The following CCR8 variants were observed in gnomAD, a reference collection of about 807,000 sequenced individuals.
CCR8 encodes the protein C-C motif chemokine receptor 8, also known as C-C chemokine receptor type 8.
For synonymous variants in CCR8, 156 were observed against 165.7 expected (o/e 0.94, Z 0.45); for missense variants, 358 against 417.5 (o/e 0.86, Z 1.24).
chr3:39,331,704 G>C (rs1010167019), intron 1 of CCR8, among the ~76,000 whole-genome samples: 1 of 150,568 alleles, frequency 6.6e-6, no homozygotes, highest in African/African-American at 2.4e-5. Context: ...CTGGCCTCAA[G>C]CAATCCGCCT....
chr3:39,332,284 G>A (rs1280167433), intron 1 of CCR8, 34 bp from the exon 2 acceptor site: 2 of 1,226,238 alleles, frequency 1.6e-6, no homozygotes, highest in Non-Finnish European at 2.4e-6. Context: ...ATGTTTTTAA[G>A]GAGTGAATGT....
Position 39,333,658 on chromosome 3 carries a change from AG to A in CCR8, c.*260del. 1 of 469,230 alleles carries A rather than the reference AG, an allele frequency of 2.1e-6. No homozygotes were observed. The highest frequency in any genetic ancestry group is 3.9e-6 in the Non-Finnish European group (1 of 256,410). 29.1% of individuals were successfully genotyped at this position (469,230 alleles called of 1,614,324 possible). ...ATTCTGTATGCCAAGTGAAAAAAAA[AG>A]ATGTCTGACCTCCTTACATATGCAA... On this transcript the variant is annotated 3_prime_UTR_variant, in exon 2 of 2. Coordinates refer to ENST00000326306, the MANE Select transcript of CCR8 (RefSeq NM_005201.4).
chr3:39,332,225 G>A (rs1401248587), intron 1 of CCR8, 93 bp from the exon 2 acceptor site: 4 of 720,756 alleles, frequency 5.5e-6, no homozygotes, highest in South Asian at 5.4e-5. Flanking sequence ...TGAATTTGGG[G>A]AGGACACAGT....
At chr3:39,331,982 G>A (rs536643449) in intron 1 of CCR8, among the ~76,000 whole-genome samples, 4 of 151,564 alleles carry the variant, frequency 2.6e-5, no homozygotes, top group South Asian at 4.2e-4. Context: ...CGCCATGCCC[G>A]GCTAATTTTT....
rs1363372471 is a variant in CCR8 at position 39,333,539 on chromosome 3, A to G, written c.*140A>G. 1.6e-5 allele frequency: 10 copies of G among 638,140 alleles called. No homozygotes were observed. The highest frequency in any genetic ancestry group is 2.8e-5 in the Non-Finnish European group (10 of 359,252). The allele number at this position is 638,140 out of a possible 1,614,324, so 39.5% of individuals were successfully genotyped here. A position where few individuals can be genotyped will look rare whatever the true frequency, so the allele number is the denominator to read the frequency against. On this transcript the variant is annotated 3_prime_UTR_variant, in exon 2 of 2. Transcript: ENST00000326306. ...ATATGTTGTTGCCAACACTTGGAAC[A>G]CAATGACTAAAGACATAGTTGTGCA...
rs764605073 is a variant in CCR8 at position 39,333,260 on chromosome 3, A to G, written c.929A>G (p.His310Arg). The G allele has an allele frequency of 6.2e-7, 1 of 1,613,982 alleles. No individual in the cohort carries two copies. The highest frequency in any genetic ancestry group is 1.1e-5 in the South Asian group (1 of 91,084). The change falls in exon 2 of 2, where the codon CAC (histidine) becomes CGC (arginine). Residue 310 changes from histidine (H) to arginine (R), a missense_variant. Physicochemically the swap from His to Arg is conservative, Grantham distance 29. Coordinates refer to ENST00000326306, the MANE Select transcript of CCR8 (RefSeq NM_005201.4). The stretch of plus-strand genomic sequence containing the variant: ...TTTGTTGGGGAGAAGTTCAAGAAAC[A>G]CCTCTCAGAAATATTTCAGAAAAGT... Reference protein sequence around the residue: ...YAFVGEKFKKHLSEIFQKSCS... With the variant: ...YAFVGEKFKKRLSEIFQKSCS...
At position 39,329,730 on chromosome 3, in the gene CCR8, A is replaced by C. The variant is rs2041243026; in HGVS notation, c.-114A>C. On this transcript the variant is annotated 5_prime_UTR_variant, in exon 1 of 2. Coordinates refer to ENST00000326306, the MANE Select transcript of CCR8 (RefSeq NM_005201.4). ...GTTTGTAGTGGGAGGATACCTCCAG[A>C]GAGGCTGCTGCTCATTGAGCTGCAC... 6.6e-6 allele frequency: 1 copy of C among 152,262 alleles called. No individual in the cohort carries two copies. The highest frequency in any genetic ancestry group is 1.5e-5 in the Non-Finnish European group (1 of 68,094). The allele number at this position is 152,262 out of a possible 1,614,324, so 9.4% of individuals were successfully genotyped here.
rs1302799337 is a variant in CCR8, at chr3:39,332,331, G to C, written c.-1G>C. 1 of 1,600,266 alleles carries C rather than the reference G, an allele frequency of 6.2e-7. No homozygotes were observed. Among genetic ancestry groups the C allele is most frequent in the African/African-American group, 1.3e-5 (1 of 74,558 alleles). On this transcript the variant is annotated 5_prime_UTR_variant, in exon 2 of 2. Transcript: ENST00000326306. ...CTCTGTGACCAGGTCCCGCTGCCTT[G>C]ATGGATTATACACTTGACCTCAGTG...
chr3:39,332,968 A>G lies in CCR8; in HGVS notation c.637A>G (p.Ile213Val), dbSNP rs1329656591. The stretch of plus-strand genomic sequence containing the variant: ...TTTAGGCTTGTTGATCCCATTCACC[A>G]TCTTTATGTTCTGCTACATTAAAAT... The part of the protein sequence containing the change: ...NILGLLIPFT[I>V]FMFCYIKILH... Residue 213 changes from isoleucine (I) to valine (V), a missense_variant, in exon 2 of 2, where the codon ATC (isoleucine) becomes GTC (valine). Coordinates refer to ENST00000326306, the MANE Select transcript of CCR8 (RefSeq NM_005201.4). 6 of 1,614,126 alleles carry G rather than the reference A, an allele frequency of 3.7e-6. No homozygotes were observed. The highest frequency in any genetic ancestry group is 1.1e-5 in the South Asian group (1 of 91,080).
chr3:39,332,399 G>A lies in CCR8; in HGVS notation c.68G>A (p.Ser23Asn), dbSNP rs1171906751. 1.9e-6 allele frequency: 3 copies of A among 1,614,070 alleles called. No homozygotes were observed. Among genetic ancestry groups the A allele is most frequent in the Non-Finnish European group, 8.5e-7 (1 of 1,179,966 alleles). The change falls in exon 2 of 2, where the codon AGC (serine) becomes AAC (asparagine). Residue 23 changes from serine to asparagine, a missense_variant. Ser to Asn is a conservative substitution (Grantham distance 46). Transcript: ENST00000326306. ...TACTACTACCCTGATATCTTCTCAA[G>A]CCCCTGTGATGCGGAACTTATTCAG... ...TDYYYPDIFS[S>N]PCDAELIQTN...
rs1004363206 is a variant in CCR8 at position 39,332,671 on chromosome 3, T to C, written c.340T>C (p.Tyr114His). ...GTGCAAAGTGGTGTCTGGCTTTTAT[T>C]ACATTGGCTTCTACAGCAGCATGTT... ...VMCKVVSGFY[Y>H]IGFYSSMFFI... The change falls in exon 2 of 2, where the codon TAC becomes CAC. Residue 114 changes from tyrosine to histidine, a missense_variant. Physicochemically the swap from Tyr to His is moderately conservative, Grantham distance 83. Coordinates refer to ENST00000326306, the MANE Select transcript of CCR8 (RefSeq NM_005201.4). 5 of 1,614,174 alleles carry C rather than the reference T, an allele frequency of 3.1e-6. No homozygotes were observed. The highest frequency in any genetic ancestry group is 8.5e-7 in the Non-Finnish European group (1 of 1,180,026).
Position 39,332,472 on chromosome 3 carries a change from A to G in CCR8, c.141A>G (p.Val47=), listed in dbSNP as rs755885354. The G allele has an allele frequency of 1.2e-6, 2 of 1,614,052 alleles. No homozygotes were observed. Among genetic ancestry groups the G allele is most frequent in the Non-Finnish European group, 1.7e-6 (2 of 1,180,008 alleles). The change falls in exon 2 of 2, where the codon GTA becomes GTG. Residue 47 remains valine (V), a synonymous_variant. Coordinates refer to ENST00000326306, the MANE Select transcript of CCR8 (RefSeq NM_005201.4). Reference sequence around the variant, plus strand: ...CTGTCTTTTATTGCCTCCTGTTTGTATTCAGTCTTCTGGGAAACAGCCTGG... The same window carrying G: ...CTGTCTTTTATTGCCTCCTGTTTGTGTTCAGTCTTCTGGGAAACAGCCTGG... ...LLAVFYCLLF[V]FSLLGNSLVI... is the part of the protein sequence containing the mutation.
Position 39,332,787 on chromosome 3 carries a change from G to T in CCR8, c.456G>T (p.Thr152=). 1.9e-6 allele frequency: 3 copies of T among 1,614,146 alleles called. No individual in the cohort carries two copies. The highest frequency in any genetic ancestry group is 2.5e-6 in the Non-Finnish European group (3 of 1,180,008). The change falls in exon 2 of 2, where the codon ACG becomes ACT. Residue 152 remains threonine (T), a synonymous_variant. Transcript: ENST00000326306. The part of the protein sequence containing the change: ...LKVRTIRMGT[T]LCLAVWLTAI... Reference sequence around the variant, plus strand: ...TGAGGACGATCAGGATGGGCACAACGCTGTGCCTGGCAGTATGGCTAACCG... The same window carrying T: ...TGAGGACGATCAGGATGGGCACAACTCTGTGCCTGGCAGTATGGCTAACCG...
At chr3:39,332,271 A>G in intron 1 of CCR8, 47 bp from the exon 2 acceptor site, 1 of 1,161,798 alleles carries the variant, frequency 8.6e-7, no homozygotes, top group Non-Finnish European at 1.3e-6. Context: ...TTAAAAAATA[A>G]AAATGTTTTT....
chr3:39,332,387 A>AT lies in CCR8; in HGVS notation c.57dup (p.Ile20TyrfsTer7). ...ACAGTGACCGACTACTACTACCCTG[A>AT]TATCTTCTCAAGCCCCTGTGATGCG... On this transcript the variant is annotated frameshift_variant, in exon 2 of 2. Transcript: ENST00000326306. LOFTEE classifies it low-confidence loss of function (END_TRUNC). The AT allele has an allele frequency of 6.2e-7, 1 of 1,614,140 alleles. No individual in the cohort carries two copies. Among genetic ancestry groups the AT allele is most frequent in the Non-Finnish European group, 8.5e-7 (1 of 1,179,992 alleles).
chr3:39,333,648 T>TG lies in CCR8; in HGVS notation c.*250dup, dbSNP rs1247589256. ...ACTTTAAAGGATTCTGTATGCCAAG[T>TG]GAAAAAAAAAGATGTCTGACCTCCT... On this transcript the variant is annotated 3_prime_UTR_variant, in exon 2 of 2. Transcript: ENST00000326306. 2.1e-6 allele frequency: 1 copy of TG among 469,086 alleles called. No individual in the cohort carries two copies. The highest frequency in any genetic ancestry group is 3.9e-6 in the Non-Finnish European group (1 of 256,698). The allele number at this position is 469,086 out of a possible 1,614,324, so 29.1% of individuals were successfully genotyped here.
chr3:39,333,618 T>G lies in CCR8; in HGVS notation c.*219T>G. On this transcript the variant is annotated 3_prime_UTR_variant, in exon 2 of 2. Transcript: ENST00000326306. ...GTGTTTATTGATGATGTTGAACAAG[T>G]GGTAACTTTAAAGGATTCTGTATGC... is the stretch of plus-strand genomic sequence containing the variant. The G allele has an allele frequency of 4.4e-5, 24 of 550,508 alleles. No homozygotes were observed. Among genetic ancestry groups the G allele is most frequent in the Non-Finnish European group, 5.9e-5 (18 of 304,606 alleles). The allele number at this position is 550,508 out of a possible 1,614,324, so 34.1% of individuals were successfully genotyped here. A position where few individuals can be genotyped will look rare whatever the true frequency, so the allele number is the denominator to read the frequency against.
intron 1 of CCR8, among the ~76,000 whole-genome samples, chr3:39,331,481 T>C (rs2041255228): frequency 6.6e-6 from 1 of 152,114 alleles, no homozygotes; most frequent in Non-Finnish European, 1.5e-5. Flanking sequence ...GTTTTCTTTT[T>C]TTTGAGACAG....
In CCR8 at chr3:39,333,523, T is replaced by G. The variant is rs1027491829; in HGVS notation, c.*124T>G. ...GCATGAAGGATGCCATATATGTTGT[T>G]GCCAACACTTGGAACACAATGACTA... On this transcript the variant is annotated 3_prime_UTR_variant, in exon 2 of 2. Transcript: ENST00000326306. 3.0e-6 allele frequency: 2 copies of G among 671,660 alleles called. No individual in the cohort carries two copies. Among genetic ancestry groups the G allele is most frequent in the Non-Finnish European group, 5.1e-6 (2 of 388,852 alleles). The allele number at this position is 671,660 out of a possible 1,614,324, so 41.6% of individuals were successfully genotyped here.
Sources: gnomAD v4.1 joint callset for allele counts (sites outside exome capture counted in the v4.1 genomes callset) on GRCh38, gnomAD v4.1.1 for gene constraint, MANE v1.5 for transcripts, NCBI Gene and HGNC (gene_info 2026-07-23, HGNC 2026-07-21) for gene names.